Variants in GRM8 observed in about 807,000 individuals in gnomAD.
GRM8 encodes metabotropic glutamate receptor 8.
A neutral mutation model predicts 87.2 loss-of-function variants in GRM8; 47 were observed. The observed-to-expected ratio is 0.54, with a 90% CI of 0.43 to 0.69. The LOEUF (loss-of-function observed/expected upper bound fraction) is 0.69, where lower values mean the gene tolerates loss of function less well. Among genes scored for constraint, GRM8 ranks in the 30% least tolerant of loss-of-function variants. The pLI is 0.00. For synonymous variants in GRM8, 396 were observed against 404.5 expected, an observed-to-expected ratio of 0.98 and a Z score of 0.25; for missense variants, 1,019 against 1,139.2, an observed-to-expected ratio of 0.89 and a Z score of 1.52.
intron 6 of GRM8, among the ~76,000 whole-genome samples, chr7:126,857,006 C>A (rs1163766564): frequency 6.6e-6 from 1 of 152,188 alleles, no homozygotes; most frequent in Non-Finnish European, 1.5e-5. Flanking sequence ...TAAAGAAGTT[C>A]TTTGTAATTG....
At chr7:126,748,602 GTT>G (rs35336284) in intron 7 of GRM8, among the ~76,000 whole-genome samples, 35,562 of 118,014 alleles carry the variant, frequency 0.3, 2,697 homozygotes, top group South Asian at 0.38. Flanking sequence ...AGCAGGTCGG[GTT>G]TTTTTTTTTT....
chr7:126,520,985 G>T (rs963540060), intron 9 of GRM8, among the ~76,000 whole-genome samples: 1 of 152,124 alleles, frequency 6.6e-6, no homozygotes, highest in African/African-American at 2.4e-5. Context: ...TTTTGTTGAA[G>T]AAAGGACAGC....
chr7:126,756,493 T>C (rs1817020892), intron 7 of GRM8, among the ~76,000 whole-genome samples: 2 of 151,948 alleles, frequency 1.3e-5, no homozygotes, highest in Non-Finnish European at 2.9e-5. Flanking sequence ...AGCCACAGAC[T>C]GGGAGAAAAT....
intron 3 of GRM8, among the ~76,000 whole-genome samples, chr7:126,960,622 T>C (rs762215837): frequency 2.6e-5 from 4 of 152,154 alleles, no homozygotes; most frequent in Non-Finnish European, 4.4e-5. Flanking sequence ...GAAAATAATT[T>C]TGTAGCCTTA....
At chr7:126,745,147 G>A (rs758818336) in intron 7 of GRM8, among the ~76,000 whole-genome samples, 7 of 151,488 alleles carry the variant, frequency 4.6e-5, no homozygotes, top group South Asian at 4.2e-4. Context: ...GAGAACTGCC[G>A]ATTTAGAATT....
At chr7:127,224,796 T>A (rs933143493) in intron 2 of GRM8, among the ~76,000 whole-genome samples, 7 of 152,136 alleles carry the variant, frequency 4.6e-5, no homozygotes, top group Non-Finnish European at 1.0e-4. Context: ...TTTACTTTTT[T>A]GTAGCAACAA....
At chr7:127,112,084 T>A (rs1314429197) in intron 2 of GRM8, 1 of 151,962 alleles carries the variant, frequency 6.6e-6, no homozygotes, top group Admixed American at 6.6e-5. Context: ...TTCAATCATT[T>A]CCCCATTGCC....
chr7:127,097,488 A>G (rs1824777781), intron 3 of GRM8, among the ~76,000 whole-genome samples: 1 of 152,182 alleles, frequency 6.6e-6, no homozygotes, highest in South Asian at 2.1e-4. Flanking sequence ...GATTGAAGGT[A>G]ATTAACAAAT....
chr7:127,207,007 T>G (rs1018013114), intron 2 of GRM8, among the ~76,000 whole-genome samples: 1 of 152,106 alleles, frequency 6.6e-6, no homozygotes, highest in Admixed American at 6.5e-5. Flanking sequence ...CAAACATGAA[T>G]GCGTGTGAGG....
intron 9 of GRM8, among the ~76,000 whole-genome samples, chr7:126,480,940 A>G (rs1012452317): frequency 6.6e-6 from 1 of 152,060 alleles, no homozygotes; most frequent in African/African-American, 2.4e-5. Flanking sequence ...TACAAGATGA[A>G]CCTGGAACAT....
intron 6 of GRM8, among the ~76,000 whole-genome samples, chr7:126,831,894 G>A (rs891504879): frequency 6.6e-6 from 1 of 152,118 alleles, no homozygotes; most frequent in Admixed American, 6.5e-5. Context: ...TTTCTTGAAT[G>A]TTACACATTT....
intron 3 of GRM8, among the ~76,000 whole-genome samples, chr7:126,927,077 G>T (rs540739071): frequency 6.6e-6 from 1 of 152,226 alleles, no homozygotes; most frequent in African/African-American, 2.4e-5. Context: ...TCTGTTCAAC[G>T]TCTTCCAGTG....
chr7:126,856,921 G>A (rs539258108), intron 6 of GRM8, among the ~76,000 whole-genome samples: 2 of 152,290 alleles, frequency 1.3e-5, no homozygotes, highest in Admixed American at 1.3e-4. Context: ...GGCATTTGGG[G>A]AATTAGCATA....
At chr7:126,684,588 T>C (rs1397913530) in intron 7 of GRM8, among the ~76,000 whole-genome samples, 2 of 152,264 alleles carry the variant, frequency 1.3e-5, no homozygotes, top group African/African-American at 2.4e-5. Flanking sequence ...AAGAGCACCT[T>C]CTGAAAAGTC....
At chr7:126,540,183 G>A (rs1015405244) in intron 8 of GRM8, among the ~76,000 whole-genome samples, 6 of 152,066 alleles carry the variant, frequency 3.9e-5, no homozygotes, top group African/African-American at 1.4e-4. Context: ...TATACAAATT[G>A]TCAATAGTGC....
At chr7:126,994,529 C>G (rs565202619) in intron 3 of GRM8, among the ~76,000 whole-genome samples, 4 of 152,270 alleles carry the variant, frequency 2.6e-5, no homozygotes, top group African/African-American at 9.6e-5. Flanking sequence ...GAGTGAGCCC[C>G]AGGCCTGGCA....
intron 7 of GRM8, among the ~76,000 whole-genome samples, chr7:126,751,677 C>T (rs1816432693): frequency 6.6e-6 from 1 of 152,152 alleles, no homozygotes; most frequent in Non-Finnish European, 1.5e-5. Flanking sequence ...ATGACTTTGG[C>T]CTGAAACTCC....
chr7:126,705,714 TA>T (rs1810437055), intron 7 of GRM8, among the ~76,000 whole-genome samples: 1 of 152,204 alleles, frequency 6.6e-6, no homozygotes, highest in Admixed American at 6.6e-5. Flanking sequence ...TTAAGAGATG[TA>T]AAACTGTTAA....
At chr7:126,491,690 C>T (rs1808034356) in intron 9 of GRM8, among the ~76,000 whole-genome samples, 1 of 151,944 alleles carries the variant, frequency 6.6e-6, no homozygotes, top group Admixed American at 6.6e-5. Flanking sequence ...CTTTCTTAGC[C>T]ACAGGTGTCA....
Sources: gnomAD v4.1 joint callset for allele counts (sites outside exome capture counted in the v4.1 genomes callset) on GRCh38, gnomAD v4.1.1 for gene constraint, MANE v1.5 for transcripts, NCBI Gene and HGNC (gene_info 2026-07-23, HGNC 2026-07-21) for gene names.